TEX36: variants seen among roughly 807,000 people sequenced by gnomAD.
The protein encoded by TEX36 is testis expressed 36.
Under a neutral mutation model 13.6 loss-of-function variants are expected in TEX36, and 12 were observed. The ratio of observed to expected loss-of-function variants is 0.88; its 90% CI spans 0.56 to 1.43. TEX36 has a LOEUF of 1.43. TEX36 is among the 40% of genes most tolerant of loss of function. The pLI is 0.00. For missense variants in TEX36, 224 were observed against 228.3 expected, an observed-to-expected ratio of 0.98 and a Z score of 0.12; for synonymous variants, 93 against 83.0, an observed-to-expected ratio of 1.12 and a Z score of -0.65.
chr10:125,617,781 C>G (rs1020299289), downstream of TEX36, among the ~76,000 whole-genome samples: 321 of 149,218 alleles, frequency 2.2e-3, 3 homozygotes, highest in African/African-American at 7.3e-3. Flanking sequence ...TTGCTCTTCT[C>G]GAGGATTATC....
At chr10:125,659,201 T>C (rs951971829) in intron 3 of TEX36, among the ~76,000 whole-genome samples, 1 of 152,200 alleles carries the variant, frequency 6.6e-6, no homozygotes. Context: ...AAAACTTCCA[T>C]TAAACTGAAA....
At chr10:125,617,713 C>T (rs1007099796), downstream of TEX36, among the ~76,000 whole-genome samples, 1 of 152,172 alleles carries the variant, frequency 6.6e-6, no homozygotes, top group African/African-American at 2.4e-5. Context: ...TCTGGCTGCC[C>T]TTAACATTTT....
rs563091519 is a variant in TEX36 at position 125,584,562 on chromosome 10, T to C, written c.265-7688A>G. ...CGCCCTTACCACCAAGGTGACTGTATTTGGAGATAGAAGCTTTAGGGAGCT... is the reference window on the plus strand; with the variant it reads ...CGCCCTTACCACCAAGGTGACTGTACTTGGAGATAGAAGCTTTAGGGAGCT... On this transcript the variant is annotated intron_variant, in intron 3 of 3. Coordinates refer to the TEX36 transcript ENST00000532135. Among the ~76,000 whole-genome samples the C allele has an allele frequency of 7.9e-5, 12 of 152,314 alleles. 1 individual carries two copies. In the South Asian group the frequency reaches 1.9e-3, roughly 24 times the overall value.
intron 3 of TEX36, among the ~76,000 whole-genome samples, chr10:125,593,191 C>A (rs377245635): frequency 1.3e-5 from 2 of 152,226 alleles, no homozygotes; most frequent in African/African-American, 4.8e-5. Flanking sequence ...CCAAGGGCCC[C>A]AGCCACCAGT....
At chr10:125,623,952 G>A (rs1368097326) in intron 3 of TEX36, among the ~76,000 whole-genome samples, 5 of 152,218 alleles carry the variant, frequency 3.3e-5, no homozygotes, top group African/African-American at 9.6e-5. Flanking sequence ...GGACACACGT[G>A]TGAGCGTTAG....
At chr10:125,664,259 C>G (rs1847091166) in intron 1 of TEX36, among the ~76,000 whole-genome samples, 1 of 152,034 alleles carries the variant, frequency 6.6e-6, no homozygotes, top group African/African-American at 2.4e-5. Context: ...ACTTAGGTTG[C>G]TTCCAAATCT....
chr10:125,576,568 G>A (rs1845827041), exon 4 of TEX36: 2 of 838,170 alleles, frequency 2.4e-6, no homozygotes, highest in East Asian at 2.7e-5. Flanking sequence ...CGCCCACACA[G>A]GCAAGCAGAA....
chr10:125,588,683 C>T (rs918620901), intron 3 of TEX36, among the ~76,000 whole-genome samples: 5 of 152,272 alleles, frequency 3.3e-5, no homozygotes, highest in South Asian at 2.1e-4. Flanking sequence ...GGCCCAATCT[C>T]GGCTCACTGC....
intron 1 of TEX36, among the ~76,000 whole-genome samples, chr10:125,665,756 T>G (rs149677280): frequency 6.6e-6 from 1 of 152,312 alleles, no homozygotes; most frequent in Non-Finnish European, 1.5e-5. Context: ...ACATTGGTAT[T>G]TTGATAGAGG....
intron 3 of TEX36, among the ~76,000 whole-genome samples, chr10:125,597,768 C>T (rs1395988843): frequency 6.6e-6 from 1 of 152,104 alleles, no homozygotes; most frequent in Non-Finnish European, 1.5e-5. Context: ...GTCCTTAGTT[C>T]CCCCTTATCT....
At chr10:125,617,298 T>C (rs569046290), downstream of TEX36, among the ~76,000 whole-genome samples, 13 of 152,280 alleles carry the variant, frequency 8.5e-5, no homozygotes, top group African/African-American at 3.1e-4. Flanking sequence ...TTAAAGTTAA[T>C]ATTGTTATGT....
intron 1 of TEX36, among the ~76,000 whole-genome samples, chr10:125,677,086 C>T (rs2133613313): frequency 6.6e-6 from 1 of 152,260 alleles, no homozygotes; most frequent in South Asian, 2.1e-4. Context: ...GACGGAGTTT[C>T]CTTTATTGAT....
At chr10:125,639,909 C>G (rs544193205) in intron 3 of TEX36, among the ~76,000 whole-genome samples, 2 of 152,212 alleles carry the variant, frequency 1.3e-5, no homozygotes, top group Non-Finnish European at 2.9e-5. Context: ...GGATATGCCA[C>G]TCATGGCCGA....
intron 3 of TEX36, among the ~76,000 whole-genome samples, chr10:125,604,325 T>C (rs558157449): frequency 1.3e-5 from 2 of 152,266 alleles, no homozygotes; most frequent in East Asian, 1.9e-4. Context: ...TAGATTCTCA[T>C]AGGGGCACAA....
chr10:125,659,984 A>G (rs1261631845), intron 3 of TEX36, among the ~76,000 whole-genome samples: 1 of 152,210 alleles, frequency 6.6e-6, no homozygotes, highest in Non-Finnish European at 1.5e-5. Context: ...TGAGTTGTCT[A>G]CGTTGAGATG....
At chr10:125,582,174 G>T (rs1429108325) in intron 3 of TEX36, among the ~76,000 whole-genome samples, 1 of 152,222 alleles carries the variant, frequency 6.6e-6, no homozygotes, top group African/African-American at 2.4e-5. Context: ...CAGGGGTGGG[G>T]TGGAGTGGTG....
intron 1 of TEX36, chr10:125,667,167 C>T: frequency 1.5e-6 from 1 of 666,016 alleles, no homozygotes; most frequent in East Asian, 3.2e-5. Context: ...CAGCGGGGGG[C>T]ACTGTGCGGT....
intron 3 of TEX36, among the ~76,000 whole-genome samples, chr10:125,625,995 G>A (rs297248): frequency 0.22 from 33,550 of 152,084 alleles, 5,914 homozygotes; most frequent in African/African-American, 0.48. Flanking sequence ...ACCTGCTCTC[G>A]TAGACACCTT....
At chr10:125,640,962 C>T (rs940231342) in intron 3 of TEX36, among the ~76,000 whole-genome samples, 1 of 151,556 alleles carries the variant, frequency 6.6e-6, no homozygotes, top group Non-Finnish European at 1.5e-5. Flanking sequence ...TCCCCCACAC[C>T]CATCTCTCCC....
Sources: allele counts gnomAD v4.1 joint callset (sites outside exome capture counted in the v4.1 genomes callset), GRCh38; gene constraint gnomAD v4.1.1; transcripts MANE v1.5; gene names NCBI Gene and HGNC (gene_info 2026-07-23, HGNC 2026-07-21).